Variants in IL1RAPL1 observed in about 807,000 individuals in gnomAD.
The protein encoded by IL1RAPL1 is interleukin 1 receptor accessory protein like 1, also known as interleukin-1 receptor accessory protein-like 1.
IL1RAPL1 carries 3 observed loss-of-function variants against 48.4 expected under a neutral mutation model. The observed-to-expected ratio is 0.06, with a 90% CI of 0.03 to 0.16. The LOEUF (loss-of-function observed/expected upper bound fraction) is 0.16, where lower values mean the gene tolerates loss of function less well. IL1RAPL1 is among the 10% of genes least tolerant of loss of function. The probability of loss-of-function intolerance (pLI) is 1.00; values close to 1 mark genes in which losing one functional copy is unlikely to be tolerated. For synonymous variants in IL1RAPL1, 185 were observed against 187.7 expected, an observed-to-expected ratio of 0.99 and a Z score of 0.12; for missense variants, 349 against 530.6, an observed-to-expected ratio of 0.66 and a Z score of 3.36.
intron 2 of IL1RAPL1, among the ~76,000 whole-genome samples, chrX:29,208,262 A>T (rs916858904): frequency 2.7e-5 from 3 of 111,703 alleles, no homozygotes; most frequent in African/African-American, 9.8e-5. Context: ...TCTAAACTAC[A>T]GATCAAACCT....
At chrX:29,555,520 C>G (rs1921967465) in intron 5 of IL1RAPL1, among the ~76,000 whole-genome samples, 1 of 112,098 alleles carries the variant, frequency 8.9e-6, no homozygotes, top group Admixed American at 9.4e-5. Context: ...TTTTGCCACA[C>G]TATCCTCATC....
intron 5 of IL1RAPL1, among the ~76,000 whole-genome samples, chrX:29,461,196 C>T (rs775372495): frequency 6.4e-4 from 71 of 111,210 alleles, no homozygotes; most frequent in Non-Finnish European, 1.1e-3. Context: ...TACCATTAGT[C>T]ATTAGGGAAA....
At chrX:29,287,782 C>A (rs1050231536) in intron 3 of IL1RAPL1, among the ~76,000 whole-genome samples, 5 of 111,760 alleles carry the variant, frequency 4.5e-5, no homozygotes, top group African/African-American at 1.6e-4. Flanking sequence ...TTTGAGAATT[C>A]TTTGTATGTT....
At chrX:29,918,238 TAAAAAAA>T (rs771849523) in intron 7 of IL1RAPL1, among the ~76,000 whole-genome samples, 15 of 59,365 alleles carry the variant, frequency 2.5e-4, no homozygotes, top group Non-Finnish European at 4.6e-4. Context: ...ACCTTTTTTT[TAAAAAAA>T]AAAAAAAAAA....
At chrX:28,740,935 A>G (rs1935899154) in intron 1 of IL1RAPL1, among the ~76,000 whole-genome samples, 1 of 111,842 alleles carries the variant, frequency 8.9e-6, no homozygotes, top group Non-Finnish European at 1.9e-5. Flanking sequence ...TGCTATTGTA[A>G]ATGGTATTGC....
In IL1RAPL1 at chrX:29,938,842, A is replaced by G. The variant is rs1313022623; in HGVS notation, c.1058-2809A>G. ...ATTTAAATAGAATCATACAGTAGGT[A>G]TTATTTCTTGTCTGGCTTCCTTTTT... is the stretch of plus-strand genomic sequence containing the variant. On this transcript the variant is annotated intron_variant, in intron 8 of 10. Transcript: ENST00000378993. Among the ~76,000 whole-genome samples the G allele has an allele frequency of 2.6e-4, 29 of 112,326 alleles. No individual in the cohort carries two copies. In the Admixed American group the frequency reaches 2.7e-3, roughly 11 times the overall value.
chrX:28,737,114 TTTCCTTCCTTCCTTCC>T (rs546731314), intron 1 of IL1RAPL1, among the ~76,000 whole-genome samples: 87 of 36,330 alleles, frequency 2.4e-3, no homozygotes, highest in South Asian at 0.012. Flanking sequence ...TTTCTCTTCT[TTTCCTTCCTTCCTTCC>T]TTCCTTCCTT....
chrX:29,882,711 CT>C (rs1380506688), intron 6 of IL1RAPL1, among the ~76,000 whole-genome samples: 2 of 111,941 alleles, frequency 1.8e-5, no homozygotes, highest in Non-Finnish European at 3.8e-5. Context: ...TGGCAAACCT[CT>C]GGTCTATATT....
chrX:29,875,218 A>G (rs767564787), intron 6 of IL1RAPL1, among the ~76,000 whole-genome samples: 3 of 111,789 alleles, frequency 2.7e-5, no homozygotes, highest in African/African-American at 6.5e-5. Context: ...AAGTCCATCT[A>G]TAATAGAATC....
chrX:29,175,819 C>A (rs1306863090), intron 2 of IL1RAPL1, among the ~76,000 whole-genome samples: 1 of 88,727 alleles, frequency 1.1e-5, no homozygotes, highest in African/African-American at 4.5e-5. Context: ...GCACTCCAGC[C>A]TGGGCAACAG....
rs992152922 is a variant in IL1RAPL1, at chrX:29,917,152, C to T, written c.779-312C>T. On this transcript the variant is annotated intron_variant, in intron 6 of 10. Coordinates refer to ENST00000378993, the MANE Select transcript of IL1RAPL1 (RefSeq NM_014271.4). ...GGCATATCACCTCTGTGGTATCCTT[C>T]GCAATCATTCATGACCTCAATCTAA... 6.3e-5 allele frequency among the ~76,000 whole-genome samples: 7 copies of T among 111,899 alleles called. No homozygotes were observed. The East Asian group carries it at 1.1e-3, about 18-fold the overall frequency.
At chrX:29,140,276 A>G (rs185714575) in intron 2 of IL1RAPL1, among the ~76,000 whole-genome samples, 238 of 111,895 alleles carry the variant, frequency 2.1e-3, no homozygotes, top group African/African-American at 7.4e-3. Flanking sequence ...TTGGAGATCA[A>G]TTTTCAAGAT....
At chrX:29,528,841 G>A (rs895148129) in intron 5 of IL1RAPL1, among the ~76,000 whole-genome samples, 2 of 111,740 alleles carry the variant, frequency 1.8e-5, no homozygotes, top group East Asian at 5.6e-4. Flanking sequence ...CTAGAGTAGG[G>A]ATTTTACAGG....
At chrX:29,443,710 G>A (rs1371929644) in intron 5 of IL1RAPL1, among the ~76,000 whole-genome samples, 1 of 111,653 alleles carries the variant, frequency 9.0e-6, no homozygotes, top group African/African-American at 3.3e-5. Context: ...AGTATGGTGG[G>A]GTCGTCAATT....
chrX:29,390,604 A>G (rs1370900002), intron 3 of IL1RAPL1, among the ~76,000 whole-genome samples: 5 of 111,899 alleles, frequency 4.5e-5, no homozygotes, highest in African/African-American at 1.6e-4. Flanking sequence ...ACATTTTACA[A>G]TCATGTCACT....
chrX:29,174,124 A>G (rs1176292958), intron 2 of IL1RAPL1, among the ~76,000 whole-genome samples: 1 of 110,503 alleles, frequency 9.0e-6, no homozygotes, highest in Non-Finnish European at 1.9e-5. Context: ...GGGTTTCTCC[A>G]TGTTGGTCAG....
chrX:29,306,547 A>C (rs1439315328), intron 3 of IL1RAPL1, among the ~76,000 whole-genome samples: 6 of 101,476 alleles, frequency 5.9e-5, no homozygotes, highest in East Asian at 3.1e-4. Flanking sequence ...AAAAAAAAAA[A>C]AAAAAACGAA....
chrX:29,746,876 G>A (rs1200803683), intron 6 of IL1RAPL1, among the ~76,000 whole-genome samples: 1 of 112,272 alleles, frequency 8.9e-6, no homozygotes, highest in East Asian at 2.8e-4. Flanking sequence ...CCAAAGTGCT[G>A]GAATTACAGG....
intron 5 of IL1RAPL1, among the ~76,000 whole-genome samples, chrX:29,549,370 C>T (rs1209922925): frequency 9.0e-6 from 1 of 111,223 alleles, no homozygotes; most frequent in Non-Finnish European, 1.9e-5. Flanking sequence ...TTCAAATGAC[C>T]CTTTTTTTAC....
Sources: gnomAD v4.1 joint callset for allele counts (sites outside exome capture counted in the v4.1 genomes callset) on GRCh38, gnomAD v4.1.1 for gene constraint, MANE v1.5 for transcripts, NCBI Gene and HGNC (gene_info 2026-07-23, HGNC 2026-07-21) for gene names.